The following ZC3H12B variants were observed in gnomAD, a reference collection of about 807,000 sequenced individuals.
ZC3H12B encodes probable ribonuclease ZC3H12B.
Under a neutral mutation model 43.9 loss-of-function variants are expected in ZC3H12B, and 7 were observed. The ratio of observed to expected loss-of-function variants is 0.16; its 90% CI spans 0.09 to 0.30. The LOEUF is 0.30. Among genes scored for constraint, ZC3H12B ranks in the 10% least tolerant of loss-of-function variants. The probability of loss-of-function intolerance (pLI) is 1.00; values close to 1 mark genes in which losing one functional copy is unlikely to be tolerated. For synonymous variants in ZC3H12B, 222 were observed against 241.7 expected (o/e 0.92, Z 0.76); for missense variants, 475 against 670.2 (o/e 0.71, Z 3.22).
the ZC3H12B span, among the ~76,000 whole-genome samples, chrX:65,092,649 A>C: frequency 2.7e-5 from 3 of 112,108 alleles, no homozygotes; most frequent in African/African-American, 6.5e-5. Context: ...AGTATCTGGC[A>C]GAAGGAATTT....
the ZC3H12B span, among the ~76,000 whole-genome samples, chrX:65,103,144 A>G: frequency 3.6e-5 from 4 of 111,309 alleles, no homozygotes; most frequent in Admixed American, 1.9e-4. Context: ...GCACTATGGG[A>G]GACCGGGGCT....
At chrX:65,303,515 A>C in the ZC3H12B span, among the ~76,000 whole-genome samples, 1 of 112,285 alleles carries the variant, frequency 8.9e-6, no homozygotes, top group Non-Finnish European at 1.9e-5. Context: ...AAAATATCTC[A>C]GTAATCTAGG....
At chrX:65,466,915 A>AATATATATATCTAT (rs2067827476) in intron 3 of ZC3H12B, among the ~76,000 whole-genome samples, 1 of 23,932 alleles carries the variant, frequency 4.2e-5, no homozygotes, top group Non-Finnish European at 1.6e-4. Context: ...TATAAAACCA[A>AATATATATATCTAT]ATATATATAT....
the ZC3H12B span, among the ~76,000 whole-genome samples, chrX:65,346,485 T>G: frequency 9.0e-6 from 1 of 111,526 alleles, no homozygotes; most frequent in Non-Finnish European, 1.9e-5. Context: ...TCAAGATGAT[T>G]CAAAGATTTA....
At chrX:65,490,142 C>T (rs765327749) in intron 1 of ZC3H12B, among the ~76,000 whole-genome samples, 1 of 111,217 alleles carries the variant, frequency 9.0e-6, no homozygotes, top group Non-Finnish European at 1.9e-5. Context: ...AATACATTAT[C>T]TCATATGGTA....
the ZC3H12B span, among the ~76,000 whole-genome samples, chrX:65,063,991 A>G: frequency 1.8e-5 from 2 of 111,243 alleles, no homozygotes; most frequent in African/African-American, 6.5e-5. Flanking sequence ...TGTGTGTAGG[A>G]TCTTTGGTGA....
the ZC3H12B span, among the ~76,000 whole-genome samples, chrX:65,092,957 T>C: frequency 1.8e-5 from 2 of 111,694 alleles, 1 homozygote; most frequent in Non-Finnish European, 3.8e-5. Flanking sequence ...CCTTCCTTCA[T>C]AGGCCCAGAG....
At chrX:65,246,415 A>G in the ZC3H12B span, among the ~76,000 whole-genome samples, 1 of 112,287 alleles carries the variant, frequency 8.9e-6, no homozygotes. Flanking sequence ...AAGTAATTTA[A>G]AATTCATATG....
the ZC3H12B span, among the ~76,000 whole-genome samples, chrX:65,146,466 T>G: frequency 8.9e-6 from 1 of 112,016 alleles, no homozygotes; most frequent in Admixed American, 9.5e-5. Context: ...CAAGTAAATC[T>G]GGGATTTCTT....
the ZC3H12B span, among the ~76,000 whole-genome samples, chrX:65,150,077 C>T: frequency 1.8e-5 from 2 of 110,079 alleles, no homozygotes; most frequent in East Asian, 2.9e-4. Flanking sequence ...TTTTATTTTA[C>T]TCCACTACAT....
At chrX:65,202,440 A>G in the ZC3H12B span, among the ~76,000 whole-genome samples, 4 of 109,189 alleles carry the variant, frequency 3.7e-5, no homozygotes, top group African/African-American at 1.3e-4. Context: ...TCATTGCAGC[A>G]TAAGTGGGCA....
At chrX:65,487,379 A>G (rs2068137912), upstream of ZC3H12B, among the ~76,000 whole-genome samples, 1 of 111,593 alleles carries the variant, frequency 9.0e-6, no homozygotes, top group African/African-American at 3.3e-5. Context: ...CATCTCTACT[A>G]AAAATACAGA....
At chrX:65,059,269 G>T in the ZC3H12B span, among the ~76,000 whole-genome samples, 3 of 96,672 alleles carry the variant, frequency 3.1e-5, no homozygotes, top group Non-Finnish European at 4.0e-5. Flanking sequence ...GCCTGCGCTT[G>T]TGCGGTATTG....
the ZC3H12B span, among the ~76,000 whole-genome samples, chrX:65,258,026 A>C: frequency 9.0e-6 from 1 of 111,703 alleles, no homozygotes; most frequent in Non-Finnish European, 1.9e-5. Flanking sequence ...ACTCCTCCCT[A>C]ACTCATTTTG....
the ZC3H12B span, among the ~76,000 whole-genome samples, chrX:65,343,532 T>C: frequency 9.0e-6 from 1 of 111,606 alleles, no homozygotes; most frequent in African/African-American, 3.2e-5. Context: ...TACACACAAA[T>C]CAAGAAATGT....
the ZC3H12B span, among the ~76,000 whole-genome samples, chrX:65,168,935 C>A: frequency 3.2e-4 from 35 of 110,276 alleles, no homozygotes; most frequent in East Asian, 9.1e-3. Context: ...TCTCTTTTTT[C>A]TTTATTAGTC....
chrX:65,480,601 C>A (rs2068050644), intron 3 of ZC3H12B, among the ~76,000 whole-genome samples: 1 of 111,990 alleles, frequency 8.9e-6, no homozygotes, highest in South Asian at 3.7e-4. Flanking sequence ...AATCCCAGCA[C>A]TTTGGGAGGC....
At chrX:65,123,948 T>G in the ZC3H12B span, among the ~76,000 whole-genome samples, 5 of 110,773 alleles carry the variant, frequency 4.5e-5, no homozygotes, top group African/African-American at 1.6e-4. Flanking sequence ...AGTGACAGTT[T>G]GACTTCCTCG....
chrX:65,145,178 G>A, the ZC3H12B span, among the ~76,000 whole-genome samples: 2 of 110,189 alleles, frequency 1.8e-5, no homozygotes, highest in African/African-American at 3.3e-5. Flanking sequence ...TTAGGATTAG[G>A]ATTGTGGTAT....
Sources: allele counts gnomAD v4.1 joint callset (sites outside exome capture counted in the v4.1 genomes callset), GRCh38; gene constraint gnomAD v4.1.1; transcripts MANE v1.5; gene names NCBI Gene and HGNC (gene_info 2026-07-23, HGNC 2026-07-21).